PDE4D: variants seen among roughly 807,000 people sequenced by gnomAD.
The protein encoded by PDE4D is phosphodiesterase 4D.
A neutral mutation model predicts 87.4 loss-of-function variants in PDE4D; 24 were observed. The observed-to-expected ratio is 0.27, with a 90% CI of 0.20 to 0.39. PDE4D has a LOEUF of 0.39. Among genes scored for constraint, PDE4D ranks in the 10% least tolerant of loss-of-function variants. PDE4D has a pLI of 1.00. For synonymous variants in PDE4D, 384 were observed against 383.2 expected, an observed-to-expected ratio of 1.00 and a Z score of -0.02; for missense variants, 714 against 1,041.0, an observed-to-expected ratio of 0.69 and a Z score of 4.32.
At chr5:59,754,797 ATTTTTTTTTTTTTTTT>A (rs754869518) in intron 1 of PDE4D, among the ~76,000 whole-genome samples, 4 of 96,910 alleles carry the variant, frequency 4.1e-5, no homozygotes, top group South Asian at 3.6e-4. Flanking sequence ...TCCACAGAAC[ATTTTTTTTTTTTTTTT>A]TTTTTTTTTT....
chr5:58,976,248 G>A, intron 13 of PDE4D, 102 bp downstream of exon 13: 1 of 1,251,252 alleles, frequency 8.0e-7, no homozygotes, highest in Non-Finnish European at 1.1e-6. Flanking sequence ...GAAAGTATAA[G>A]GTGGGAGAAG....
chr5:59,859,312 T>A (rs1350121282), intron 1 of PDE4D, among the ~76,000 whole-genome samples: 1 of 152,174 alleles, frequency 6.6e-6, no homozygotes, highest in South Asian at 2.1e-4. Context: ...CAGTTCGCTA[T>A]GTTTGATGTA....
chr5:60,427,850 T>C lies in PDE4D; in HGVS notation c.-90+60092A>G, dbSNP rs1227423838. ...ACTTTGGGAGGCAGAGCAGGGAGGA[T>C]CATTTGAGCCCAGGAGTTTGAGACC... On this transcript the variant is annotated intron_variant, in intron 1 of 16. Transcript: ENST00000502484. Among the ~76,000 whole-genome samples, 3 of 152,096 alleles carry C rather than the reference T, an allele frequency of 2.0e-5. No individual in the cohort carries two copies. The South Asian group carries it at 6.2e-4, about 32-fold the overall frequency.
chr5:60,468,035 C>G (rs1377605756), intron 1 of PDE4D, among the ~76,000 whole-genome samples: 1 of 152,080 alleles, frequency 6.6e-6, no homozygotes. Flanking sequence ...ATGATAATAC[C>G]TTGTAGAACC....
intron 5 of PDE4D, chr5:59,063,176 T>G (rs890303880): frequency 6.6e-6 from 1 of 152,230 alleles, no homozygotes; most frequent in Non-Finnish European, 1.5e-5. Flanking sequence ...CACAGGCTAC[T>G]GAAAACTTGG....
chr5:59,251,949 C>G (rs1374477956), intron 1 of PDE4D, among the ~76,000 whole-genome samples: 1 of 152,096 alleles, frequency 6.6e-6, no homozygotes, highest in Non-Finnish European at 1.5e-5. Flanking sequence ...CATGTTCTCA[C>G]TTATAAGTGG....
intron 1 of PDE4D, among the ~76,000 whole-genome samples, chr5:60,202,878 C>T (rs1742083578): frequency 6.6e-6 from 1 of 151,946 alleles, no homozygotes; most frequent in South Asian, 2.1e-4. Context: ...ACATCAAAAG[C>T]CTGATAAACA....
chr5:59,635,836 G>A (rs1045880900), intron 1 of PDE4D, among the ~76,000 whole-genome samples: 5 of 152,204 alleles, frequency 3.3e-5, no homozygotes, highest in African/African-American at 1.2e-4. Context: ...AGACAAGGAT[G>A]CCCTCTTTCA....
chr5:59,270,998 ACACT>A (rs1763721211), intron 1 of PDE4D, among the ~76,000 whole-genome samples: 1 of 152,122 alleles, frequency 6.6e-6, no homozygotes, highest in African/African-American at 2.4e-5. Flanking sequence ...CTTTCATAAG[ACACT>A]CAATAAAATG....
At chr5:59,109,561 G>T (rs149857718) in intron 5 of PDE4D, among the ~76,000 whole-genome samples, 105 of 152,292 alleles carry the variant, frequency 6.9e-4, no homozygotes, top group African/African-American at 2.4e-3. Context: ...TAAGCCAAGT[G>T]GGGTGGAAGC....
intron 1 of PDE4D, among the ~76,000 whole-genome samples, chr5:59,707,737 C>T (rs1753646402): frequency 2.0e-5 from 3 of 151,970 alleles, no homozygotes; most frequent in Admixed American, 1.3e-4. Flanking sequence ...CATTGTTCAG[C>T]TCCCATTTAT....
At chr5:58,985,833 A>G (rs1253892111) in intron 11 of PDE4D, among the ~76,000 whole-genome samples, 2 of 152,254 alleles carry the variant, frequency 1.3e-5, no homozygotes, top group African/African-American at 2.4e-5. Context: ...ACGAAGCTAC[A>G]TATCACAAGT....
intron 1 of PDE4D, among the ~76,000 whole-genome samples, chr5:59,391,845 C>A (rs1788299955): frequency 6.6e-6 from 1 of 151,716 alleles, no homozygotes; most frequent in African/African-American, 2.4e-5. Flanking sequence ...ACCCACCACA[C>A]ACACATTCGT....
intron 1 of PDE4D, among the ~76,000 whole-genome samples, chr5:59,228,754 T>C (rs1184944243): frequency 6.6e-6 from 1 of 152,190 alleles, no homozygotes; most frequent in East Asian, 1.9e-4. Flanking sequence ...AGGCCCTCAG[T>C]GACCTGGTCC....
intron 1 of PDE4D, among the ~76,000 whole-genome samples, chr5:59,803,934 A>C (rs1767444232): frequency 6.6e-6 from 1 of 152,230 alleles, no homozygotes; most frequent in African/African-American, 2.4e-5. Flanking sequence ...TACTCAAAAA[A>C]TAGTTACAAA....
intron 5 of PDE4D, among the ~76,000 whole-genome samples, chr5:59,111,566 A>T (rs1772647917): frequency 6.6e-6 from 1 of 152,198 alleles, no homozygotes; most frequent in Admixed American, 6.5e-5. Context: ...GTTTTGAGAA[A>T]AAAAAAGCCA....
intron 5 of PDE4D, among the ~76,000 whole-genome samples, chr5:59,050,927 T>C (rs1190919901): frequency 6.6e-6 from 1 of 152,378 alleles, no homozygotes; most frequent in African/African-American, 2.4e-5. Context: ...TTAAATAAGT[T>C]AATTTTAAAT....
At chr5:60,460,387 T>C in intron 1 of PDE4D, 1 of 1,033,028 alleles carries the variant, frequency 9.7e-7, no homozygotes, top group Non-Finnish European at 1.5e-6. Flanking sequence ...TCTGCTCAAA[T>C]AATGCAGTGC....
chr5:59,763,375 T>C (rs1407035992), intron 1 of PDE4D, among the ~76,000 whole-genome samples: 1 of 151,746 alleles, frequency 6.6e-6, no homozygotes, highest in East Asian at 1.9e-4. Context: ...TATATAGATG[T>C]GTATTATAAA....
Sources: gnomAD v4.1 joint callset for allele counts (sites outside exome capture counted in the v4.1 genomes callset) on GRCh38, gnomAD v4.1.1 for gene constraint, MANE v1.5 for transcripts, NCBI Gene and HGNC (gene_info 2026-07-23, HGNC 2026-07-21) for gene names.